The following MAPKAPK5 variants were observed in gnomAD, a reference collection of about 807,000 sequenced individuals.
The protein encoded by MAPKAPK5 is MAP kinase-activated protein kinase 5.
Under a neutral mutation model 65.1 loss-of-function variants are expected in MAPKAPK5, and 30 were observed. The observed-to-expected ratio is 0.46, with a 90% confidence interval of 0.34 to 0.63. MAPKAPK5 has a LOEUF of 0.63. MAPKAPK5 is among the 20% of genes least tolerant of loss of function. The pLI is 0.01. For synonymous variants in MAPKAPK5, 179 were observed against 204.6 expected, an observed-to-expected ratio of 0.87 and a Z score of 1.07; for missense variants, 433 against 581.4, an observed-to-expected ratio of 0.74 and a Z score of 2.63.
intron 5 of MAPKAPK5, 101 bp from the exon 6 acceptor site, chr12:111,870,170 T>C: frequency 3.0e-6 from 2 of 667,078 alleles, no homozygotes; most frequent in Non-Finnish European, 4.9e-6. Context: ...GAACGCAGTC[T>C]TAATGAAGGC....
In MAPKAPK5 at chr12:111,888,562, C is replaced by T; in HGVS notation, c.1044C>T (p.Ser348=). Reference sequence around the variant, plus strand: ...TGAGAATCCAGGATCTGAAAGTCAGCCTCAAACCCCTGCACTCAGTGAACA... The same window carrying T: ...TGAGAATCCAGGATCTGAAAGTCAGTCTCAAACCCCTGCACTCAGTGAACA... ...ANMRIQDLKV[S]LKPLHSVNNP... Residue 348 remains serine (S), a synonymous_variant, in exon 11 of 14, where the codon AGC becomes AGT. Transcript: ENST00000550735. The T allele has an allele frequency of 1.2e-6, 2 of 1,613,988 alleles. No individual in the cohort carries two copies. Among genetic ancestry groups the T allele is most frequent in the Admixed American group, 1.7e-5 (1 of 60,018 alleles).
At chr12:111,870,997 T>C (rs2069765467) in intron 6 of MAPKAPK5, 88 bp from the exon 7 acceptor site, 1 of 927,006 alleles carries the variant, frequency 1.1e-6, no homozygotes, top group African/African-American at 1.7e-5. Flanking sequence ...ACTTGTTAGA[T>C]CTCAGGGTAA....
At chr12:111,884,194 C>T (rs1161035833) in intron 9 of MAPKAPK5, among the ~76,000 whole-genome samples, 1 of 152,114 alleles carries the variant, frequency 6.6e-6, no homozygotes, top group Non-Finnish European at 1.5e-5. Context: ...GCCTGGACCC[C>T]ACCCTCCACC....
rs1310386841 is a variant in MAPKAPK5, at chr12:111,901,354, G to C, written c.*8293G>C. 1 of 456,108 alleles carries C rather than the reference G, an allele frequency of 2.2e-6. No individual in the cohort carries two copies. The highest frequency in any genetic ancestry group is 1.5e-5 in the South Asian group (1 of 64,570). The allele number at this position is 456,108 out of a possible 1,614,324, so 28.3% of individuals were successfully genotyped here. ...CCCCCTGACTGTGTTACTGCAGGAA[G>C]TGGAGGTAGTGTGGACAGTGGCCCT... On this transcript the variant is annotated 3_prime_UTR_variant, in exon 14 of 14. Coordinates refer to ENST00000550735, the MANE Select transcript of MAPKAPK5 (RefSeq NM_003668.4).
intron 1 of MAPKAPK5, among the ~76,000 whole-genome samples, chr12:111,861,797 C>T (rs546874461): frequency 6.6e-6 from 1 of 152,180 alleles, no homozygotes; most frequent in East Asian, 1.9e-4. Flanking sequence ...CCCCTCAACT[C>T]TGTTGTTGTA....
Position 111,899,295 on chromosome 12 carries a change from C to T in MAPKAPK5, c.*6234C>T, listed in dbSNP as rs2070938730. On this transcript the variant is annotated 3_prime_UTR_variant, in exon 14 of 14. Coordinates refer to ENST00000550735, the MANE Select transcript of MAPKAPK5 (RefSeq NM_003668.4). Reference sequence around the variant, plus strand: ...TGGTGGCATTATTAAAAGACTCTGCCAACATCCTGCTTTATGGAAAAACCA... The same window carrying T: ...TGGTGGCATTATTAAAAGACTCTGCTAACATCCTGCTTTATGGAAAAACCA... The T allele has an allele frequency of 6.5e-6, 1 of 153,000 alleles. No individual in the cohort carries two copies. The highest frequency in any genetic ancestry group is 1.5e-5 in the Non-Finnish European group (1 of 68,678). The allele number at this position is 153,000 out of a possible 1,614,324, so 9.5% of individuals were successfully genotyped here.
rs571951649 is a variant in MAPKAPK5 at position 111,900,552 on chromosome 12, C to A, written c.*7491C>A. 1 of 456,114 alleles carries A rather than the reference C, an allele frequency of 2.2e-6. No individual in the cohort carries two copies. The highest frequency in any genetic ancestry group is 2.0e-5 in the African/African-American group (1 of 50,206). 28.3% of individuals were successfully genotyped at this position (456,114 alleles called of 1,614,324 possible). On this transcript the variant is annotated 3_prime_UTR_variant, in exon 14 of 14. Coordinates refer to ENST00000550735, the MANE Select transcript of MAPKAPK5 (RefSeq NM_003668.4). ...ATTTAACAAGCCACGGCCCAGGGGC[C>A]GCAAGCGTAGGGATTCTGCCTGTGG...
intron 3 of MAPKAPK5, among the ~76,000 whole-genome samples, chr12:111,866,762 A>C (rs2069627909): frequency 6.6e-6 from 1 of 152,186 alleles, no homozygotes; most frequent in Non-Finnish European, 1.5e-5. Context: ...GGCATGCGCC[A>C]CCACGCATCT....
intron 1 of MAPKAPK5, among the ~76,000 whole-genome samples, chr12:111,864,825 C>G (rs1361101691): frequency 2.0e-5 from 3 of 152,100 alleles, no homozygotes; most frequent in African/African-American, 7.2e-5. Context: ...TCAACTTGTT[C>G]AGGGATATAG....
chr12:111,852,647 A>G (rs1166874122), intron 1 of MAPKAPK5, among the ~76,000 whole-genome samples: 1 of 152,156 alleles, frequency 6.6e-6, no homozygotes, highest in Non-Finnish European at 1.5e-5. Context: ...ACGTTGTTCA[A>G]GGGTCAAGTA....
chr12:111,868,848 A>G lies in MAPKAPK5; in HGVS notation c.380A>G (p.Gln127Arg). The G allele has an allele frequency of 6.4e-7, 1 of 1,559,628 alleles. No individual in the cohort carries two copies. The highest frequency in any genetic ancestry group is 8.7e-7 in the Non-Finnish European group (1 of 1,151,794). Residue 127 changes from glutamine (Q) to arginine (R), a missense_variant, in exon 5 of 14, where the codon CAA becomes CGA. By Grantham distance (43) the Gln-to-Arg change is conservative. Around this residue, in one of 3 missense-constraint regions of MAPKAPK5, gnomAD observed 165 missense variants for 180.0 expected, o/e 0.92. Coordinates refer to ENST00000550735, the MANE Select transcript of MAPKAPK5 (RefSeq NM_003668.4). ...CACTTTACAGAGAAGCAAGCCAGCC[A>G]AGTAACAAAGCAGGCAAGTTAACCC... is the stretch of plus-strand genomic sequence containing the variant. Reference protein sequence around the residue: ...HRHFTEKQASQVTKQIALALR... With the variant: ...HRHFTEKQASRVTKQIALALR...
chr12:111,869,042 G>A (rs1269825305), intron 5 of MAPKAPK5, among the ~76,000 whole-genome samples, 181 bp downstream of exon 5: 7 of 152,184 alleles, frequency 4.6e-5, no homozygotes, highest in Non-Finnish European at 1.0e-4. Flanking sequence ...ATACTTGGGG[G>A]TGGGGGTACT....
intron 3 of MAPKAPK5, 99 bp from the exon 4 acceptor site, chr12:111,867,473 G>T: frequency 1.3e-6 from 1 of 773,964 alleles, no homozygotes; most frequent in Middle Eastern, 2.4e-4. Context: ...AAGTGATAAA[G>T]TTTTTATTGT....
At chr12:111,888,740 G>T in intron 11 of MAPKAPK5, 122 bp downstream of exon 11, 2 of 1,517,770 alleles carry the variant, frequency 1.3e-6, no homozygotes, top group Non-Finnish European at 8.9e-7. Context: ...GGGTGGAGAG[G>T]ATAAGTTCTT....
At chr12:111,876,632 C>T (rs1331387656) in intron 7 of MAPKAPK5, among the ~76,000 whole-genome samples, 5 of 152,142 alleles carry the variant, frequency 3.3e-5, no homozygotes, top group Admixed American at 2.6e-4. Context: ...ATCTCTTCAA[C>T]GATTTTTCTA....
At chr12:111,866,696 G>A (rs1159150543) in intron 3 of MAPKAPK5, among the ~76,000 whole-genome samples, 1 of 152,004 alleles carries the variant, frequency 6.6e-6, no homozygotes, top group Non-Finnish European at 1.5e-5. Flanking sequence ...GGCAACCTCC[G>A]CCTCCCGGGT....
rs577600418 is a variant in MAPKAPK5, at chr12:111,883,865, C to A, written c.848+97C>A. The A allele has an allele frequency of 1.2e-5, 15 of 1,233,090 alleles. No individual in the cohort carries two copies. Among genetic ancestry groups the A allele is most frequent in the Non-Finnish European group, 1.7e-5 (15 of 897,254 alleles). The allele number at this position is 1,233,090 out of a possible 1,614,324, so 76.4% of individuals were successfully genotyped here. On this transcript the variant is annotated intron_variant, in intron 9 of 13. Transcript: ENST00000550735. The surrounding 1 kb of genome is among the most constrained non-coding windows in gnomAD (Gnocchi z 4.8). ...AGAGAAAAGTCACTGGTTTCCTAGGCAGGCTCCTCCCCGTTTTAATATCAC... is the reference window on the plus strand; with the variant it reads ...AGAGAAAAGTCACTGGTTTCCTAGGAAGGCTCCTCCCCGTTTTAATATCAC...
intron 1 of MAPKAPK5, among the ~76,000 whole-genome samples, chr12:111,856,498 C>G (rs370716663): frequency 6.6e-6 from 1 of 151,722 alleles, no homozygotes. Flanking sequence ...CCTCCACCTC[C>G]TGGGTTCAAG....
At position 111,899,371 on chromosome 12, in the gene MAPKAPK5, A is replaced by G. The variant is rs2070941890; in HGVS notation, c.*6310A>G. On this transcript the variant is annotated 3_prime_UTR_variant, in exon 14 of 14. Coordinates refer to ENST00000550735, the MANE Select transcript of MAPKAPK5 (RefSeq NM_003668.4). ...AAGTTTCAAACTTGGGCTCCACAGA[A>G]GTGGAACTTAAGGCTGGGGCTAGTA... 6.5e-6 allele frequency: 1 copy of G among 153,622 alleles called. No homozygotes were observed. Among genetic ancestry groups the G allele is most frequent in the Non-Finnish European group, 1.4e-5 (1 of 69,056 alleles). The allele number at this position is 153,622 out of a possible 1,614,324, so 9.5% of individuals were successfully genotyped here.
Sources: allele counts gnomAD v4.1 joint callset (sites outside exome capture counted in the v4.1 genomes callset), GRCh38; gene constraint gnomAD v4.1.1; regional missense constraint gnomAD v4.1.1; non-coding constraint Gnocchi (gnomAD v3.1); transcripts MANE v1.5; gene names NCBI Gene and HGNC (gene_info 2026-07-23, HGNC 2026-07-21).